The following ZNF417 variants were observed in gnomAD, a reference collection of about 807,000 sequenced individuals.
ZNF417 encodes zinc finger protein 417.
A neutral mutation model predicts 7.4 loss-of-function variants in ZNF417; 5 were observed. That is an observed-to-expected ratio of 0.68 (90% CI 0.35 to 1.43). The LOEUF (loss-of-function observed/expected upper bound fraction) is 1.43. Among genes scored for constraint, ZNF417 ranks in the 40% most tolerant of loss-of-function variants. The pLI is 0.04. For missense variants in ZNF417, 437 were observed against 697.3 expected (o/e 0.63, Z 4.20); for synonymous variants, 147 against 239.1 (o/e 0.61, Z 3.55).
Position 57,906,760 on chromosome 19 carries a change from C to CAAAAAAAAAAAA in ZNF417, c.*1778_*1789dup, listed in dbSNP as rs1180110149. 8 of 30,526 alleles carry CAAAAAAAAAAAA rather than the reference C, an allele frequency of 2.6e-4. No homozygotes were observed. Among genetic ancestry groups the CAAAAAAAAAAAA allele is most frequent in the African/African-American group, 7.6e-4 (6 of 7,846 alleles). The allele number at this position is 30,526 out of a possible 1,614,324, so 1.9% of individuals were successfully genotyped here. A position where few individuals can be genotyped will look rare whatever the true frequency, so the allele number is the denominator to read the frequency against. On this transcript the variant is annotated 3_prime_UTR_variant, in exon 3 of 3. Transcript: ENST00000312026. ...TGGGTGACAGAGTGAGACTCTGTCT[C>CAAAAAAAAAAAA]AAAAAAAAAAAAAAAAAAAAATTTA... is the stretch of plus-strand genomic sequence containing the variant.
Position 57,909,253 on chromosome 19 carries a change from T to A in ZNF417, c.1025A>T (p.His342Leu). Reference protein sequence around the residue: ...SFGQKGNLIQHQQGHTGERAY... With the variant: ...SFGQKGNLIQLQQGHTGERAY... The stretch of plus-strand genomic sequence containing the variant: ...TCTCTCTCCAGTGTGACCTTGCTGA[T>A]GTTGAATGAGGTTACCCTTTTGACC... The change falls in exon 3 of 3, where the codon CAT becomes CTT. Residue 342 changes from histidine (H) to leucine (L), a missense_variant. His to Leu is a moderately conservative substitution (Grantham distance 99). Transcript: ENST00000312026. 1.9e-6 allele frequency: 3 copies of A among 1,614,202 alleles called. No individual in the cohort carries two copies. The highest frequency in any genetic ancestry group is 2.5e-6 in the Non-Finnish European group (3 of 1,180,020).
chr19:57,916,437 G>T lies in ZNF417; in HGVS notation c.-26C>A, dbSNP rs745776968. 2 of 1,613,904 alleles carry T rather than the reference G, an allele frequency of 1.2e-6. No individual in the cohort carries two copies. The highest frequency in any genetic ancestry group is 1.3e-5 in the African/African-American group (1 of 75,072). Reference sequence around the variant, plus strand: ...CGGACTACTTGGGGAAGCACGGCCCGGGAGCAGTGGTCGCCGTCACGGGGC... The same window carrying T: ...CGGACTACTTGGGGAAGCACGGCCCTGGAGCAGTGGTCGCCGTCACGGGGC... On this transcript the variant is annotated 5_prime_UTR_variant, in exon 1 of 3. Transcript: ENST00000312026.
intron 1 of ZNF417, chr19:57,915,189 C>T (rs1211862739): frequency 1.3e-5 from 2 of 156,394 alleles, no homozygotes; most frequent in Admixed American, 1.3e-4. Flanking sequence ...ATGTGAGCTA[C>T]AAAAAGGATT....
chr19:57,909,892 A>G lies in ZNF417; in HGVS notation c.386T>C (p.Leu129Ser). The change falls in exon 3 of 3, where the codon TTG (leucine) becomes TCG (serine). Residue 129 changes from leucine to serine, a missense_variant. Transcript: ENST00000312026. ...CTGATGAAGGTATGCAGTGTCATCCAAGTTTTTTCCACATGCTCCACTCCT... is the reference window on the plus strand; with the variant it reads ...CTGATGAAGGTATGCAGTGTCATCCGAGTTTTTTCCACATGCTCCACTCCT... ...LNRSGACGKNLDDTAYLHQHQ... is the reference protein window; with the variant it reads ...LNRSGACGKNSDDTAYLHQHQ... The G allele has an allele frequency of 6.4e-7, 1 of 1,555,070 alleles. No homozygotes were observed. Among genetic ancestry groups the G allele is most frequent in the South Asian group, 1.1e-5 (1 of 87,582 alleles).
chr19:57,909,165 C>T lies in ZNF417; in HGVS notation c.1113G>A (p.Gln371=), dbSNP rs2071868564. Residue 371 remains glutamine, a synonymous_variant, in exon 3 of 3, where the codon CAG becomes CAA. Transcript: ENST00000312026. ...FRQKFCFINH[Q]RVHTGERPYK... is the part of the protein sequence containing the mutation. ...AAGGCCTTTCTCCAGTGTGAACACG[C>T]TGATGGTTAATAAAGCAGAACTTCT... is the stretch of plus-strand genomic sequence containing the variant. 1 of 1,613,996 alleles carries T rather than the reference C, an allele frequency of 6.2e-7. No individual in the cohort carries two copies. Among genetic ancestry groups the T allele is most frequent in the African/African-American group, 1.3e-5 (1 of 74,930 alleles).
At position 57,910,240 on chromosome 19, in the gene ZNF417, C is replaced by T. The variant is rs2071888598; in HGVS notation, c.164-126G>A. On this transcript the variant is annotated intron_variant, in intron 2 of 2. Coordinates refer to ENST00000312026, the MANE Select transcript of ZNF417 (RefSeq NM_152475.3). Reference sequence around the variant, plus strand: ...AATATTTGCAGGAACACAATGTTGGCTTCAAGTTGAAGATGGGGCTGCTGG... The same window carrying T: ...AATATTTGCAGGAACACAATGTTGGTTTCAAGTTGAAGATGGGGCTGCTGG... 3 of 1,473,330 alleles carry T rather than the reference C, an allele frequency of 2.0e-6. No homozygotes were observed. The South Asian group carries it at 4.3e-5, about 21-fold the overall frequency. The allele number at this position is 1,473,330 out of a possible 1,614,324, so 91.3% of individuals were successfully genotyped here. A position where few individuals can be genotyped will look rare whatever the true frequency, so the allele number is the denominator to read the frequency against.
intron 1 of ZNF417, 36 bp downstream of exon 1, chr19:57,916,343 G>T: frequency 6.2e-7 from 1 of 1,614,130 alleles, no homozygotes; most frequent in Non-Finnish European, 8.5e-7. Flanking sequence ...GGGTGACGAT[G>T]GGGTGACCTG....
chr19:57,911,638 C>T (rs1433722410), intron 2 of ZNF417, among the ~76,000 whole-genome samples: 1 of 152,166 alleles, frequency 6.6e-6, no homozygotes, highest in Non-Finnish European at 1.5e-5. Flanking sequence ...AATTCCTAAG[C>T]AGGGTCTTGC....
intron 1 of ZNF417, chr19:57,915,457 C>G (rs1026441911): frequency 2.1e-6 from 1 of 481,372 alleles, no homozygotes; most frequent in Non-Finnish European, 3.9e-6. Flanking sequence ...CTGCGCCCCT[C>G]CCTGTGCTTG....
rs1305915550 is a variant in ZNF417 at position 57,908,320 on chromosome 19, C to T, written c.*230G>A. On this transcript the variant is annotated 3_prime_UTR_variant, in exon 3 of 3. Coordinates refer to ENST00000312026, the MANE Select transcript of ZNF417 (RefSeq NM_152475.3). ...TTGGGAGGCTGAGGTAGGAGAATCACTTGAACCTGGGAGGCCCAAGTTGCA... is the reference window on the plus strand; with the variant it reads ...TTGGGAGGCTGAGGTAGGAGAATCATTTGAACCTGGGAGGCCCAAGTTGCA... The T allele has an allele frequency of 1.5e-5, 10 of 683,248 alleles. No individual in the cohort carries two copies. Among genetic ancestry groups the T allele is most frequent in the African/African-American group, 3.6e-5 (2 of 55,244 alleles). 42.3% of individuals were successfully genotyped at this position (683,248 alleles called of 1,614,324 possible).
rs940190731 is a variant in ZNF417 at position 57,906,625 on chromosome 19, G to A, written c.*1925C>T. 6.7e-6 allele frequency among the ~76,000 whole-genome samples: 1 copy of A among 149,898 alleles called. No individual in the cohort carries two copies. The highest frequency in any genetic ancestry group is 2.4e-5 in the African/African-American group (1 of 40,824). The stretch of plus-strand genomic sequence containing the variant: ...AAAATACAAAAATTAGGTGGGCGTG[G>A]TGGAGGGAACCTATAGGCCCAGCTA... On this transcript the variant is annotated 3_prime_UTR_variant, in exon 3 of 3. Coordinates refer to ENST00000312026, the MANE Select transcript of ZNF417 (RefSeq NM_152475.3).
At position 57,908,747 on chromosome 19, in the gene ZNF417, T is replaced by C. The variant is rs1239433089; in HGVS notation, c.1531A>G (p.Lys511Glu). ...FLSSSALHVH[K>E]RVHSGQKPYK... ...GGCTTTTGTCCAGAATGAACTCTTT[T>C]ATGAACATGAAGCGCAGAGCTGGAA... is the stretch of plus-strand genomic sequence containing the variant. The change falls in exon 3 of 3, where the codon AAA (lysine) becomes GAA (glutamate). Residue 511 changes from lysine (K) to glutamate (E), a missense_variant. Coordinates refer to ENST00000312026, the MANE Select transcript of ZNF417 (RefSeq NM_152475.3). The C allele has an allele frequency of 8.1e-6, 13 of 1,613,734 alleles. No homozygotes were observed. The highest frequency in any genetic ancestry group is 9.3e-6 in the Non-Finnish European group (11 of 1,179,658).
rs756259497 is a variant in ZNF417 at position 57,908,977 on chromosome 19, C to G, written c.1301G>C (p.Arg434Thr). ...TEHQRLHTGE[R>T]PYNCRECGKL... ...CCCACATTCCCTACAATTGTAAGGT[C>G]TTTCCCCAGTGTGAAGTCTCTGGTG... The change falls in exon 3 of 3, where the codon AGA becomes ACA. Residue 434 changes from arginine (R) to threonine (T), a missense_variant. Physicochemically the swap from Arg to Thr is moderately conservative, Grantham distance 71. This residue lies in a region of ZNF417 where 233 missense variants were observed against 235.5 expected (regional missense o/e 0.99). Transcript: ENST00000312026. The G allele has an allele frequency of 6.2e-7, 1 of 1,613,878 alleles. No individual in the cohort carries two copies. The highest frequency in any genetic ancestry group is 8.5e-7 in the Non-Finnish European group (1 of 1,179,962).
intron 2 of ZNF417, 121 bp downstream of exon 2, chr19:57,911,939 T>G: frequency 6.8e-7 from 1 of 1,463,804 alleles, no homozygotes; most frequent in South Asian, 1.5e-5. Flanking sequence ...ACAACTTACA[T>G]AGAGAAGTGT....
intron 1 of ZNF417, among the ~76,000 whole-genome samples, chr19:57,916,175 T>C (rs2071945821): frequency 6.6e-6 from 1 of 152,244 alleles, no homozygotes; most frequent in Non-Finnish European, 1.5e-5. Context: ...ATCGGCTCTG[T>C]CTAGGCAGCT....
At chr19:57,915,425 C>T (rs1459984782) in intron 1 of ZNF417, 9 of 409,000 alleles carry the variant, frequency 2.2e-5, no homozygotes, top group Non-Finnish European at 4.1e-5. Flanking sequence ...CCTCCCGGCT[C>T]CGTCCATCTC....
chr19:57,914,463 G>A (rs926081223), intron 1 of ZNF417, among the ~76,000 whole-genome samples: 4 of 119,166 alleles, frequency 3.4e-5, no homozygotes, highest in African/African-American at 1.3e-4. Context: ...TCCAGCCTGG[G>A]CAACAAGACC....
In ZNF417 at chr19:57,908,536, C is replaced by A; in HGVS notation, c.*14G>T. ...CGGGATGTTTCAGCAAACGATTTCC[C>A]ATATTCACTGCACTCATAAGGCCTT... On this transcript the variant is annotated 3_prime_UTR_variant, in exon 3 of 3. Transcript: ENST00000312026. The A allele has an allele frequency of 6.2e-7, 1 of 1,612,918 alleles. No individual in the cohort carries two copies. Among genetic ancestry groups the A allele is most frequent in the Non-Finnish European group, 8.5e-7 (1 of 1,178,848 alleles).
At chr19:57,915,805 G>C in intron 1 of ZNF417, 1 of 414,534 alleles carries the variant, frequency 2.4e-6, no homozygotes, top group Non-Finnish European at 4.2e-6. Flanking sequence ...GACTCCAAGA[G>C]TCTGAACCTC....
Sources: gnomAD v4.1 joint callset for allele counts (sites outside exome capture counted in the v4.1 genomes callset) on GRCh38, gnomAD v4.1.1 for gene constraint, gnomAD v4.1.1 regional missense constraint, MANE v1.5 for transcripts, NCBI Gene and HGNC (gene_info 2026-07-23, HGNC 2026-07-21) for gene names.